The following CRADD variants were observed in gnomAD, a reference collection of about 807,000 sequenced individuals.
The protein encoded by CRADD is death domain-containing protein CRADD.
In CRADD, 9 loss-of-function variants were observed where a neutral mutation model predicts 15.5. That is an observed-to-expected ratio of 0.58 (90% CI 0.35 to 1.01). The LOEUF is 1.01. Ranked by LOEUF, CRADD falls within the 50% of genes least tolerant of loss-of-function variation. CRADD has a pLI of 0.02. For synonymous variants in CRADD, 118 were observed against 107.6 expected (o/e 1.10, Z -0.60); for missense variants, 227 against 250.3 (o/e 0.91, Z 0.63).
intron 2 of CRADD, among the ~76,000 whole-genome samples, chr12:93,805,785 G>A (rs1431612618): frequency 2.0e-5 from 3 of 152,050 alleles, no homozygotes; most frequent in Admixed American, 6.6e-5. Context: ...CCTGCTTGTC[G>A]GCCATGGAAC....
chr12:93,702,278 A>G (rs1373428834), intron 2 of CRADD, among the ~76,000 whole-genome samples: 1 of 152,126 alleles, frequency 6.6e-6, no homozygotes. Context: ...GATGATCTTG[A>G]TATCTAGGCT....
intron 2 of CRADD, among the ~76,000 whole-genome samples, chr12:93,843,721 T>G (rs537376552): frequency 1.2e-4 from 18 of 151,694 alleles, no homozygotes; most frequent in South Asian, 6.3e-4. Flanking sequence ...ATTTATGTAT[T>G]TATTTATTTA....
At chr12:93,786,540 T>C (rs1957279768) in intron 2 of CRADD, among the ~76,000 whole-genome samples, 1 of 152,212 alleles carries the variant, frequency 6.6e-6, no homozygotes, top group African/African-American at 2.4e-5. Context: ...GCTCACAGTT[T>C]TTAAAAGTGT....
At chr12:93,847,490 C>A (rs1958140851) in intron 2 of CRADD, among the ~76,000 whole-genome samples, 3 of 109,818 alleles carry the variant, frequency 2.7e-5, no homozygotes, top group South Asian at 3.4e-4. Flanking sequence ...CAGTCATGAG[C>A]ATTGCTTGAA....
intron 2 of CRADD, chr12:93,849,080 A>G (rs1401353244): frequency 6.6e-6 from 1 of 151,624 alleles, no homozygotes; most frequent in Non-Finnish European, 1.5e-5. Flanking sequence ...GTTAGCAGCT[A>G]CACGTTTTCT....
chr12:93,770,750 A>C (rs1476085266), intron 2 of CRADD, among the ~76,000 whole-genome samples: 1 of 152,202 alleles, frequency 6.6e-6, no homozygotes, highest in African/African-American at 2.4e-5. Context: ...CAGTTCCTGG[A>C]GATTCTTGGT....
intron 2 of CRADD, among the ~76,000 whole-genome samples, chr12:93,801,910 A>G (rs1004526933): frequency 6.6e-6 from 1 of 152,122 alleles, no homozygotes. Context: ...GAATCCTCAT[A>G]GCTTAGCTCC....
chr12:93,792,020 T>G (rs1178570569), intron 2 of CRADD, among the ~76,000 whole-genome samples: 2 of 152,066 alleles, frequency 1.3e-5, no homozygotes, highest in Non-Finnish European at 2.9e-5. Context: ...TAACTAGAGA[T>G]TCTGATAAGA....
chr12:93,750,733 A>G (rs1387014048), intron 2 of CRADD, among the ~76,000 whole-genome samples: 1 of 152,240 alleles, frequency 6.6e-6, no homozygotes, highest in Non-Finnish European at 1.5e-5. Flanking sequence ...CATTTTGAAA[A>G]TTATATTTTG....
intron 2 of CRADD, among the ~76,000 whole-genome samples, chr12:93,697,013 G>A (rs1955723856): frequency 6.6e-6 from 1 of 152,194 alleles, no homozygotes; most frequent in Non-Finnish European, 1.5e-5. Flanking sequence ...ACAAATGACT[G>A]TAGACTGTAT....
intron 2 of CRADD, among the ~76,000 whole-genome samples, chr12:93,742,862 G>T (rs1190274318): frequency 6.6e-6 from 1 of 152,104 alleles, no homozygotes; most frequent in Non-Finnish European, 1.5e-5. Flanking sequence ...ATCCTGAACA[G>T]GTTATGCGCT....
intron 2 of CRADD, among the ~76,000 whole-genome samples, chr12:93,730,717 C>CTTT (rs566237726): frequency 4.5e-4 from 57 of 127,168 alleles, no homozygotes; most frequent in African/African-American, 1.6e-3. Context: ...CCTTCATTTA[C>CTTT]TTTTTTTTTT....
chr12:93,743,643 C>T (rs1040351451), intron 2 of CRADD, among the ~76,000 whole-genome samples: 1 of 152,130 alleles, frequency 6.6e-6, no homozygotes, highest in Non-Finnish European at 1.5e-5. Context: ...TATTCTTACT[C>T]ATATATTTTA....
At chr12:93,826,547 G>T (rs1957826420) in intron 2 of CRADD, among the ~76,000 whole-genome samples, 1 of 152,174 alleles carries the variant, frequency 6.6e-6, no homozygotes, top group African/African-American at 2.4e-5. Flanking sequence ...GCAGCCTAGG[G>T]GTGTGTTTCT....
chr12:93,690,085 A>C (rs1955532321), intron 2 of CRADD, among the ~76,000 whole-genome samples: 1 of 152,218 alleles, frequency 6.6e-6, no homozygotes, highest in South Asian at 2.1e-4. Context: ...GGGCTTAATA[A>C]GGGCAGGAAT....
At chr12:93,712,973 G>T (rs1162040432) in intron 2 of CRADD, among the ~76,000 whole-genome samples, 2 of 152,074 alleles carry the variant, frequency 1.3e-5, no homozygotes, top group Admixed American at 6.6e-5. Flanking sequence ...TGTTCTCTCT[G>T]TTCCAGTAGT....
chr12:93,818,546 G>A (rs549514027), intron 2 of CRADD, among the ~76,000 whole-genome samples: 10 of 152,320 alleles, frequency 6.6e-5, no homozygotes, highest in African/African-American at 1.9e-4. Flanking sequence ...CTAGCGGGTG[G>A]GAGGTGGGGA....
chr12:93,720,605 A>G (rs1956243650), intron 2 of CRADD, among the ~76,000 whole-genome samples: 3 of 152,226 alleles, frequency 2.0e-5, no homozygotes, highest in Admixed American at 1.3e-4. Flanking sequence ...TGTTAGGCAC[A>G]TACACACTAA....
At chr12:93,770,954 C>T (rs1254957544) in intron 2 of CRADD, among the ~76,000 whole-genome samples, 1 of 152,120 alleles carries the variant, frequency 6.6e-6, no homozygotes, top group East Asian at 1.9e-4. Context: ...TTGAATCTTC[C>T]TCTTTGTACA....
Sources: allele counts gnomAD v4.1 joint callset (sites outside exome capture counted in the v4.1 genomes callset), GRCh38; gene constraint gnomAD v4.1.1; transcripts MANE v1.5; gene names NCBI Gene and HGNC (gene_info 2026-07-23, HGNC 2026-07-21).